The following SLC66A1 variants were observed in gnomAD, a reference collection of about 807,000 sequenced individuals.
SLC66A1 encodes lysosomal amino acid transporter 1 homolog.
SLC66A1 carries 23 observed loss-of-function variants against 33.0 expected under a neutral mutation model. The ratio of observed to expected loss-of-function variants is 0.70; its 90% CI spans 0.50 to 0.99. SLC66A1 has a LOEUF of 0.99. SLC66A1 is among the 50% of genes least tolerant of loss of function. The pLI, the probability that SLC66A1 is intolerant of heterozygous loss-of-function variation, is 0.00. For missense variants in SLC66A1, 335 were observed against 383.6 expected (o/e 0.87, Z 1.06); for synonymous variants, 164 against 175.5 (o/e 0.93, Z 0.52).
chr1:19,318,798 AAAAATT>A (rs1280144769), intron 2 of SLC66A1, among the ~76,000 whole-genome samples: 7 of 152,138 alleles, frequency 4.6e-5, no homozygotes, highest in African/African-American at 9.7e-5. Context: ...AAAAAAAAAA[AAAAATT>A]AAAATTAAAA....
At chr1:19,329,823 T>C (rs2093887612), downstream of SLC66A1, among the ~76,000 whole-genome samples, 1 of 151,956 alleles carries the variant, frequency 6.6e-6, no homozygotes, top group Non-Finnish European at 1.5e-5. Context: ...GAGGAGGTGA[T>C]AGGTCAGAAG....
At chr1:19,320,263 A>T (rs2093827684) in intron 2 of SLC66A1, among the ~76,000 whole-genome samples, 1 of 152,018 alleles carries the variant, frequency 6.6e-6, no homozygotes, top group Admixed American at 6.6e-5. Flanking sequence ...ACCTAGGAGT[A>T]GAATTTCTGG....
downstream of SLC66A1, among the ~76,000 whole-genome samples, chr1:19,332,013 G>A (rs1008972100): frequency 6.6e-6 from 1 of 152,264 alleles, no homozygotes; most frequent in East Asian, 1.9e-4. Context: ...TGATGGAGGC[G>A]ATACAGCCCC....
chr1:19,329,055 G>A lies in SLC66A1; in HGVS notation c.*412G>A, dbSNP rs1438641882. 1 of 203,090 alleles carries A rather than the reference G, an allele frequency of 4.9e-6. No individual in the cohort carries two copies. Among genetic ancestry groups the A allele is most frequent in the Non-Finnish European group, 1.0e-5 (1 of 99,644 alleles). 12.6% of individuals were successfully genotyped at this position (203,090 alleles called of 1,614,324 possible). ...GTGGACCACTTGACGTCCGTAGTTC[G>A]AGACCAGCCTGGCCAACATGGTGAA... On this transcript the variant is annotated 3_prime_UTR_variant, in exon 8 of 8. Transcript: ENST00000375153.
At chr1:19,326,654 G>C in intron 6 of SLC66A1, 31 bp downstream of exon 6, 2 of 1,606,386 alleles carry the variant, frequency 1.2e-6, no homozygotes, top group Non-Finnish European at 1.7e-6. Flanking sequence ...GGGTGGGGCC[G>C]AGTAGAGGAG....
chr1:19,330,583 G>A (rs1220443348), downstream of SLC66A1, among the ~76,000 whole-genome samples: 2 of 152,184 alleles, frequency 1.3e-5, no homozygotes, highest in Non-Finnish European at 2.9e-5. Flanking sequence ...TCTCAGAGGA[G>A]TGGCCTTTGA....
intron 2 of SLC66A1, among the ~76,000 whole-genome samples, 156 bp from the exon 3 acceptor site, chr1:19,324,477 A>T (rs541835869): frequency 2.8e-4 from 42 of 152,332 alleles, no homozygotes; most frequent in African/African-American, 9.6e-4. Flanking sequence ...AAGGCTTCTG[A>T]GGATCCCGCC....
downstream of SLC66A1, among the ~76,000 whole-genome samples, chr1:19,330,309 T>G (rs2093888947): frequency 6.6e-6 from 1 of 152,152 alleles, no homozygotes; most frequent in South Asian, 2.1e-4. Flanking sequence ...GGAGAGACGC[T>G]GCGTCCCAGA....
At chr1:19,320,569 A>G (rs1008588881) in intron 2 of SLC66A1, among the ~76,000 whole-genome samples, 6 of 151,220 alleles carry the variant, frequency 4.0e-5, no homozygotes, top group Non-Finnish European at 5.9e-5. Flanking sequence ...ACCTGCCACC[A>G]CGCCTGGCTA....
chr1:19,316,220 C>A lies in SLC66A1; in HGVS notation c.-78-1380C>A, dbSNP rs577372360. On this transcript the variant is annotated intron_variant, in intron 1 of 7. Transcript: ENST00000375153. ...ACTCCCTGCTGTTAGGCATCCCCCC[C>A]ACACTCTGTGAGCTCCTGGGAGAAT... is the stretch of plus-strand genomic sequence containing the variant. 7.2e-5 allele frequency among the ~76,000 whole-genome samples: 11 copies of A among 152,312 alleles called. No homozygotes were observed. In the East Asian group the frequency reaches 1.7e-3, roughly 24 times the overall value.
Position 19,327,529 on chromosome 1 carries a change from A to ATCCCTCCCTCCCTCCCTCCCTCTCTCCC in SLC66A1, c.804+139_804+140insTCTCCCTCCCTCCCTCCCTCCCTCCCTC. ...CCTTCATCCATCCGTCCATCCATCC[A>ATCCCTCCCTCCCTCCCTCCCTCTCTCCC]TCCCTCCCTCCCTCCCTCCCTCCCT... is the stretch of plus-strand genomic sequence containing the variant. On this transcript the variant is annotated intron_variant, in intron 7 of 7. Transcript: ENST00000375153. The ATCCCTCCCTCCCTCCCTCCCTCTCTCCC allele has an allele frequency of 1.2e-5, 8 of 680,252 alleles. No individual in the cohort carries two copies. The South Asian group carries it at 1.4e-4, about 12-fold the overall frequency. The allele number at this position is 680,252 out of a possible 1,614,324, so 42.1% of individuals were successfully genotyped here. A position where few individuals can be genotyped will look rare whatever the true frequency, so the allele number is the denominator to read the frequency against.
chr1:19,322,885 ATTTT>A (rs11445333), intron 2 of SLC66A1, among the ~76,000 whole-genome samples: 1 of 148,764 alleles, frequency 6.7e-6, no homozygotes. Context: ...ATTAAAGACA[ATTTT>A]TTTTTTTTTT....
chr1:19,320,022 G>A (rs1388522316), intron 2 of SLC66A1, among the ~76,000 whole-genome samples: 1 of 151,120 alleles, frequency 6.6e-6, no homozygotes, highest in Non-Finnish European at 1.5e-5. Context: ...TCAGCCTCCC[G>A]AGTAGCTGGG....
intron 3 of SLC66A1, among the ~76,000 whole-genome samples, 189 bp from the exon 4 acceptor site, chr1:19,325,306 G>A (rs140377107): frequency 1.3e-5 from 2 of 152,298 alleles, no homozygotes; most frequent in Admixed American, 6.5e-5. Context: ...TGGGTCTTTC[G>A]CCCACCTGTT....
rs576116776 is a variant in SLC66A1 at position 19,328,660 on chromosome 1, C to G, written c.*17C>G. ...CCCAGCTGACCAGAACCAGGCTGAG[C>G]GCAGGAGGACAGGCACCACCGGATG... On this transcript the variant is annotated 3_prime_UTR_variant, in exon 8 of 8. Transcript: ENST00000375153. This position sits in a 1 kb window ranked among gnomAD's most constrained non-coding sequence, Gnocchi z 4.7. The G allele has an allele frequency of 4.3e-6, 7 of 1,611,868 alleles. No homozygotes were observed. In the African/African-American group the frequency reaches 9.4e-5, roughly 22 times the overall value.
Position 19,326,377 on chromosome 1 carries a change from C to A in SLC66A1, c.515C>A (p.Ser172Ter). The change falls in exon 5 of 8, where the codon TCG becomes TAG. Residue 172 changes from serine (S) to a stop codon, truncating the protein, a stop_gained. Transcript: ENST00000375153. LOFTEE classifies it high-confidence loss of function. ...FRGRALLSVESGSKPFTRQEV... is the reference protein window; with the variant it reads ...FRGRALLSVE ...GGGCGGGCGCTCCTGTCCGTGGAGT[C>A]GGGCAGCAAGGTGAGGCGTGGGCGT... The A allele has an allele frequency of 1.9e-6, 3 of 1,606,810 alleles. No individual in the cohort carries two copies. Among genetic ancestry groups the A allele is most frequent in the Non-Finnish European group, 2.5e-6 (3 of 1,178,722 alleles).
intron 2 of SLC66A1, among the ~76,000 whole-genome samples, chr1:19,319,605 G>GTTTTTTTTTTGTTTTTTTTTTGTTTTT (rs56769657): frequency 3.6e-5 from 4 of 111,860 alleles, no homozygotes; most frequent in African/African-American, 1.6e-4. Flanking sequence ...GCACATTCAT[G>GTTTTTTTTTTGTTTTTTTTTTGTTTTT]TTTTTTTTTT....
downstream of SLC66A1, among the ~76,000 whole-genome samples, chr1:19,332,069 T>C (rs575288231): frequency 1.7e-3 from 253 of 152,248 alleles, 1 homozygote; most frequent in African/African-American, 6.0e-3. Context: ...AACCTGAGTC[T>C]CCTCTCCCTT....
chr1:19,332,224 C>G (rs2093894527), downstream of SLC66A1, among the ~76,000 whole-genome samples: 1 of 152,174 alleles, frequency 6.6e-6, no homozygotes, highest in South Asian at 2.1e-4. Flanking sequence ...ACTTTGTGTC[C>G]TGCACACTGA....
Sources: allele counts gnomAD v4.1 joint callset (sites outside exome capture counted in the v4.1 genomes callset), GRCh38; gene constraint gnomAD v4.1.1; non-coding constraint Gnocchi (gnomAD v3.1); transcripts MANE v1.5; gene names NCBI Gene and HGNC (gene_info 2026-07-23, HGNC 2026-07-21).